The following CADPS2 variants were observed in gnomAD, a reference collection of about 807,000 sequenced individuals.
The protein encoded by CADPS2 is calcium dependent secretion activator 2, also known as calcium-dependent secretion activator 2.
In CADPS2, 93 loss-of-function variants were observed where a neutral mutation model predicts 172.5. The observed-to-expected ratio is 0.54, with a 90% CI of 0.46 to 0.64. CADPS2 has a LOEUF of 0.64. Ranked by LOEUF, CADPS2 falls within the 30% of genes least tolerant of loss-of-function variation. CADPS2 has a pLI of 0.00. For missense variants in CADPS2, 1,420 were observed against 1,565.9 expected, an observed-to-expected ratio of 0.91 and a Z score of 1.57; for synonymous variants, 546 against 555.2, an observed-to-expected ratio of 0.98 and a Z score of 0.23.
At chr7:122,405,632 C>G (rs2046554806) in intron 20 of CADPS2, among the ~76,000 whole-genome samples, 1 of 151,856 alleles carries the variant, frequency 6.6e-6, no homozygotes, top group African/African-American at 2.4e-5. Flanking sequence ...TGCACTCCAG[C>G]CTGGGCGATG....
At chr7:122,616,711 G>A (rs780211178) in intron 5 of CADPS2, among the ~76,000 whole-genome samples, 10 of 152,052 alleles carry the variant, frequency 6.6e-5, no homozygotes, top group Non-Finnish European at 1.0e-4. Flanking sequence ...TTTCACAGCT[G>A]TTCTAATACT....
chr7:122,400,785 A>G (rs540731577), intron 20 of CADPS2, among the ~76,000 whole-genome samples: 14 of 152,346 alleles, frequency 9.2e-5, no homozygotes, highest in Non-Finnish European at 1.5e-4. Flanking sequence ...ATCTATAAAC[A>G]CCAATTCGTG....
chr7:122,392,340 G>A (rs1427411923), intron 22 of CADPS2, among the ~76,000 whole-genome samples: 1 of 149,772 alleles, frequency 6.7e-6, no homozygotes, highest in Non-Finnish European at 1.5e-5. Context: ...CCTAGGATAT[G>A]CCAATAGTAC....
chr7:122,323,919 A>G (rs2033253695), intron 29 of CADPS2, among the ~76,000 whole-genome samples: 1 of 106,318 alleles, frequency 9.4e-6, no homozygotes. Context: ...ATATATATAT[A>G]TATGGCAAAT....
intron 7 of CADPS2, among the ~76,000 whole-genome samples, chr7:122,572,091 G>A (rs2067344680): frequency 6.6e-6 from 1 of 152,034 alleles, no homozygotes; most frequent in African/African-American, 2.4e-5. Flanking sequence ...CATAATCACA[G>A]GTATTTTTCT....
At chr7:122,669,972 A>G (rs886344850) in intron 2 of CADPS2, among the ~76,000 whole-genome samples, 6 of 151,544 alleles carry the variant, frequency 4.0e-5, no homozygotes, top group African/African-American at 1.5e-4. Context: ...TCCACGTTAT[A>G]TTCCCCAACA....
At chr7:122,771,628 C>T (rs1279946566) in intron 1 of CADPS2, among the ~76,000 whole-genome samples, 1 of 152,086 alleles carries the variant, frequency 6.6e-6, no homozygotes, top group Non-Finnish European at 1.5e-5. Flanking sequence ...AGGAAAGACA[C>T]CTAAAATCAG....
intron 8 of CADPS2, among the ~76,000 whole-genome samples, chr7:122,537,419 TAGAG>T (rs2062420071): frequency 2.0e-5 from 3 of 151,626 alleles, no homozygotes; most frequent in Non-Finnish European, 4.4e-5. Flanking sequence ...CTTATGCTAA[TAGAG>T]AATGAAATTA....
At chr7:122,482,066 C>A (rs1001472159) in intron 11 of CADPS2, among the ~76,000 whole-genome samples, 2 of 152,122 alleles carry the variant, frequency 1.3e-5, no homozygotes, top group African/African-American at 4.8e-5. Context: ...TCTTAAAGTT[C>A]TATGCTAGTG....
At chr7:122,790,122 A>G (rs761855810) in intron 1 of CADPS2, among the ~76,000 whole-genome samples, 1 of 150,394 alleles carries the variant, frequency 6.6e-6, no homozygotes, top group Non-Finnish European at 1.5e-5. Context: ...AAAGGCCAGG[A>G]GCAATGGCTC....
At chr7:122,656,255 T>TGG (rs2079772851) in intron 3 of CADPS2, among the ~76,000 whole-genome samples, 1 of 152,096 alleles carries the variant, frequency 6.6e-6, no homozygotes, top group South Asian at 2.1e-4. Context: ...AAAAGATCCC[T>TGG]GTATGGCCAT....
In CADPS2 at chr7:122,437,814, A is replaced by C. The variant is rs978558168; in HGVS notation, c.2476+527T>G. 3.6e-5 allele frequency among the ~76,000 whole-genome samples: 3 copies of C among 83,874 alleles called. No homozygotes were observed. The East Asian group carries it at 1.4e-3, about 40-fold the overall frequency. 55.0% of individuals were successfully genotyped at this position (83,874 alleles called of 152,430 possible). A position where few individuals can be genotyped will look rare whatever the true frequency, so the allele number is the denominator to read the frequency against. On this transcript the variant is annotated intron_variant, in intron 17 of 29. Coordinates refer to ENST00000449022, the MANE Select transcript of CADPS2 (RefSeq NM_017954.11). ...TGAATAAAGCCTGAAGAAAGAAAAA[A>C]AAAAAAAGCACAGTTCTCTCAAGAG...
At chr7:122,821,349 C>G (rs1047023981) in intron 1 of CADPS2, among the ~76,000 whole-genome samples, 1 of 152,136 alleles carries the variant, frequency 6.6e-6, no homozygotes, top group Non-Finnish European at 1.5e-5. Flanking sequence ...TCGTGGAAAT[C>G]TATCCTCAAG....
chr7:122,323,902 T>TGGC, intron 29 of CADPS2, among the ~76,000 whole-genome samples: 3 of 29,984 alleles, frequency 1.0e-4, no homozygotes, highest in South Asian at 1.3e-3. Context: ...TATATATATA[T>TGGC]ATATATATAT....
At chr7:122,615,819 T>G (rs1321696628) in intron 5 of CADPS2, among the ~76,000 whole-genome samples, 1 of 152,032 alleles carries the variant, frequency 6.6e-6, no homozygotes, top group Non-Finnish European at 1.5e-5. Context: ...TGTAAAAGAG[T>G]TTAATTTATG....
intron 1 of CADPS2, among the ~76,000 whole-genome samples, chr7:122,851,410 T>A (rs1382787713): frequency 1.3e-5 from 2 of 152,138 alleles, no homozygotes; most frequent in Non-Finnish European, 2.9e-5. Flanking sequence ...GAAGGTGGAC[T>A]CAGAGGAGCA....
intron 1 of CADPS2, among the ~76,000 whole-genome samples, chr7:122,785,345 T>C (rs558243472): frequency 2.0e-5 from 3 of 152,274 alleles, no homozygotes; most frequent in East Asian, 1.9e-4. Context: ...GAGGCTAAAG[T>C]CTGATTGTTA....
At position 122,608,316 on chromosome 7, in the gene CADPS2, A is replaced by C. The variant is rs114110848; in HGVS notation, c.1223+6865T>G. Among the ~76,000 whole-genome samples, 543 of 152,342 alleles carry C rather than the reference A, an allele frequency of 3.6e-3. 6 individuals carry two copies. The highest frequency in any genetic ancestry group is 0.013 in the African/African-American group (520 of 41,582). ...TATCTGACTAATGAATTATACTTCA[A>C]AAATAATTCTGACATTACTGAATTA... On this transcript the variant is annotated intron_variant, in intron 6 of 29. Coordinates refer to ENST00000449022, the MANE Select transcript of CADPS2 (RefSeq NM_017954.11).
chr7:122,487,645 G>T (rs2057954388), intron 11 of CADPS2, among the ~76,000 whole-genome samples: 2 of 152,258 alleles, frequency 1.3e-5, no homozygotes, highest in East Asian at 1.9e-4. Context: ...GCTTAACCAA[G>T]AATAAAAAGA....
Sources: allele counts gnomAD v4.1 joint callset (sites outside exome capture counted in the v4.1 genomes callset), GRCh38; gene constraint gnomAD v4.1.1; transcripts MANE v1.5; gene names NCBI Gene and HGNC (gene_info 2026-07-23, HGNC 2026-07-21).